Variants in MYO18B observed in about 807,000 individuals in gnomAD.
MYO18B encodes unconventional myosin-XVIIIb.
Under a neutral mutation model 273.0 loss-of-function variants are expected in MYO18B, and 204 were observed. That is an observed-to-expected ratio of 0.75 (90% CI 0.67 to 0.84). The LOEUF (loss-of-function observed/expected upper bound fraction) is 0.84, where lower values mean the gene tolerates loss of function less well. Ranked by LOEUF, MYO18B falls within the 40% of genes least tolerant of loss-of-function variation. The probability of loss-of-function intolerance (pLI) is 0.00; values close to 1 mark genes in which losing one functional copy is unlikely to be tolerated. For missense variants in MYO18B, 3,212 were observed against 3,287.6 expected, an observed-to-expected ratio of 0.98 and a Z score of 0.56; for synonymous variants, 1,330 against 1,305.7, an observed-to-expected ratio of 1.02 and a Z score of -0.40.
At chr22:25,842,532 C>T (rs1276480565) in intron 17 of MYO18B, among the ~76,000 whole-genome samples, 1 of 151,854 alleles carries the variant, frequency 6.6e-6, no homozygotes, top group East Asian at 1.9e-4. Flanking sequence ...ATTAGCCAGG[C>T]ATGTTGGCTC....
chr22:26,060,786 ACACATATG>A, the MYO18B span, among the ~76,000 whole-genome samples: 20,298 of 151,886 alleles, frequency 0.13, 2,949 homozygotes, highest in African/African-American at 0.37. Flanking sequence ...TTATACATAT[ACACATATG>A]CACATATATG....
chr22:25,979,394 A>G (rs2093126513), intron 39 of MYO18B, among the ~76,000 whole-genome samples: 1 of 152,188 alleles, frequency 6.6e-6, no homozygotes, highest in Non-Finnish European at 1.5e-5. Context: ...TGGCACAGAT[A>G]TGTCATATTT....
At chr22:25,980,692 A>G (rs1314719205) in intron 39 of MYO18B, among the ~76,000 whole-genome samples, 5 of 152,346 alleles carry the variant, frequency 3.3e-5, no homozygotes, top group Middle Eastern at 6.8e-3. Context: ...TAAATGTTCT[A>G]CATTCTCTAT....
At chr22:26,047,389 G>A in the MYO18B span, among the ~76,000 whole-genome samples, 4 of 152,264 alleles carry the variant, frequency 2.6e-5, no homozygotes, top group Admixed American at 2.6e-4. Context: ...GCCTCCCAAA[G>A]TGCTGGGATT....
At chr22:25,866,402 G>A (rs1322111265) in intron 21 of MYO18B, among the ~76,000 whole-genome samples, 2 of 152,246 alleles carry the variant, frequency 1.3e-5, no homozygotes, top group East Asian at 1.9e-4. Flanking sequence ...ATTAAATGGC[G>A]ATTAGTCCAT....
chr22:25,902,139 C>T (rs180871181), intron 29 of MYO18B, among the ~76,000 whole-genome samples: 165 of 152,110 alleles, frequency 1.1e-3, no homozygotes, highest in Non-Finnish European at 1.8e-3. Context: ...TGCCTGGCCA[C>T]CTTTAAAATA....
rs372688626 is a variant in MYO18B, at chr22:26,030,756, G to A, written c.*326G>A. On this transcript the variant is annotated 3_prime_UTR_variant, in exon 44 of 44. Coordinates refer to ENST00000335473, the MANE Select transcript of MYO18B (RefSeq NM_032608.7). ...ACCCAAACTGTGTGTAGTTTGGGGT[G>A]TATACTTCTATTTCTCTTCCTACAT... is the stretch of plus-strand genomic sequence containing the variant. 6 of 394,332 alleles carry A rather than the reference G, an allele frequency of 1.5e-5. No homozygotes were observed. The highest frequency in any genetic ancestry group is 6.2e-5 in the African/African-American group (3 of 48,682). The allele number at this position is 394,332 out of a possible 1,614,324, so 24.4% of individuals were successfully genotyped here.
intron 42 of MYO18B, among the ~76,000 whole-genome samples, chr22:26,018,691 G>T (rs939777510): frequency 6.6e-6 from 1 of 152,168 alleles, no homozygotes; most frequent in Non-Finnish European, 1.5e-5. Flanking sequence ...GGTTGCTCAC[G>T]CCCATAATCC....
intron 15 of MYO18B, 112 bp downstream of exon 15, chr22:25,829,080 G>A (rs955278704): frequency 2.5e-6 from 3 of 1,219,458 alleles, no homozygotes; most frequent in Admixed American, 2.4e-5. Context: ...ACCCTGTTTG[G>A]TTCACCAGAG....
At chr22:25,955,756 TC>T (rs2092844076) in intron 39 of MYO18B, among the ~76,000 whole-genome samples, 1 of 152,158 alleles carries the variant, frequency 6.6e-6, no homozygotes, top group African/African-American at 2.4e-5. Flanking sequence ...TATTCTATAA[TC>T]CTCATGTCAG....
At chr22:25,944,771 C>T (rs1018442196) in intron 34 of MYO18B, among the ~76,000 whole-genome samples, 5 of 147,116 alleles carry the variant, frequency 3.4e-5, no homozygotes, top group African/African-American at 5.1e-5. Flanking sequence ...CGCTGGAACC[C>T]GGGAGGTGGA....
intron 39 of MYO18B, among the ~76,000 whole-genome samples, chr22:25,982,841 C>T (rs1407174712): frequency 2.0e-5 from 3 of 152,096 alleles, no homozygotes; most frequent in Admixed American, 6.5e-5. Context: ...TACATGTTGC[C>T]GGATTAGATC....
At chr22:25,805,225 C>T (rs529209638) in intron 12 of MYO18B, among the ~76,000 whole-genome samples, 1 of 152,200 alleles carries the variant, frequency 6.6e-6, no homozygotes, top group Non-Finnish European at 1.5e-5. Flanking sequence ...CATCTGCATT[C>T]TGCAGATGAG....
intron 42 of MYO18B, among the ~76,000 whole-genome samples, chr22:26,025,069 T>C (rs1936135565): frequency 6.6e-6 from 1 of 152,176 alleles, no homozygotes; most frequent in South Asian, 2.1e-4. Flanking sequence ...CCTAATCACC[T>C]CCCAAAAGCC....
intron 33 of MYO18B, among the ~76,000 whole-genome samples, chr22:25,914,758 G>A (rs565849318): frequency 3.0e-4 from 41 of 138,530 alleles, no homozygotes; most frequent in African/African-American, 1.1e-3. Flanking sequence ...GTGCAGCGGC[G>A]CGATCTCAGC....
chr22:26,020,609 A>G (rs1057092561), intron 42 of MYO18B, among the ~76,000 whole-genome samples: 1 of 152,192 alleles, frequency 6.6e-6, no homozygotes, highest in Non-Finnish European at 1.5e-5. Context: ...TAAGTCATGT[A>G]TGGAAGTTTA....
intron 1 of MYO18B, among the ~76,000 whole-genome samples, chr22:25,760,597 T>A (rs918488672): frequency 6.6e-6 from 1 of 152,164 alleles, no homozygotes; most frequent in Non-Finnish European, 1.5e-5. Context: ...GAATGGCTCC[T>A]CTGACTTCCT....
chr22:26,050,845 G>A, the MYO18B span, among the ~76,000 whole-genome samples: 11 of 152,214 alleles, frequency 7.2e-5, no homozygotes, highest in Non-Finnish European at 1.5e-4. Context: ...GAGGGACCCT[G>A]AGAAGGTCCA....
intron 34 of MYO18B, among the ~76,000 whole-genome samples, chr22:25,924,103 A>G (rs1196859175): frequency 6.6e-6 from 1 of 152,152 alleles, no homozygotes; most frequent in African/African-American, 2.4e-5. Flanking sequence ...GATCGCGTGG[A>G]CCAGAGGTCA....
Sources: allele counts gnomAD v4.1 joint callset (sites outside exome capture counted in the v4.1 genomes callset), GRCh38; gene constraint gnomAD v4.1.1; transcripts MANE v1.5; gene names NCBI Gene and HGNC (gene_info 2026-07-23, HGNC 2026-07-21).